The following FHAD1 variants were observed in gnomAD, a reference collection of about 807,000 sequenced individuals.
FHAD1 encodes forkhead-associated domain-containing protein 1.
In FHAD1, 146 loss-of-function variants were observed where a neutral mutation model predicts 191.3. The ratio of observed to expected loss-of-function variants is 0.76; its 90% CI spans 0.67 to 0.88. FHAD1 has a LOEUF of 0.88. FHAD1 is among the 40% of genes least tolerant of loss of function. FHAD1 has a pLI of 0.00. For missense variants in FHAD1, 1,635 were observed against 1,785.8 expected (o/e 0.92, Z 1.52); for synonymous variants, 616 against 672.3 (o/e 0.92, Z 1.29).
intron 29 of FHAD1, among the ~76,000 whole-genome samples, 161 bp downstream of exon 29, chr1:15,380,957 CAT>C (rs1404304802): frequency 6.6e-6 from 1 of 152,222 alleles, no homozygotes; most frequent in Non-Finnish European, 1.5e-5. Flanking sequence ...TCAGGAATCA[CAT>C]AGCCAAATTC....
chr1:15,380,749 T>G lies in FHAD1; in HGVS notation c.3754T>G (p.Ser1252Ala). The change falls in exon 29 of 34, where the codon TCA becomes GCA. Residue 1252 changes from serine to alanine, a missense_variant. Transcript: ENST00000688493. Reference protein sequence around the residue: ...NARFGSAMEKSGKMDVAEALE... With the variant: ...NARFGSAMEKAGKMDVAEALE... ...AAGGTTCGGCTCAGCCATGGAGAAGTCAGGGAAGATGGATGTGGCTGAGGC... is the reference window on the plus strand; with the variant it reads ...AAGGTTCGGCTCAGCCATGGAGAAGGCAGGGAAGATGGATGTGGCTGAGGC... 6.4e-7 allele frequency: 1 copy of G among 1,551,716 alleles called. No homozygotes were observed. The highest frequency in any genetic ancestry group is 8.7e-7 in the Non-Finnish European group (1 of 1,147,012).
chr1:15,318,024 C>T lies in FHAD1; in HGVS notation c.1365+96C>T. 1 of 751,436 alleles carries T rather than the reference C, an allele frequency of 1.3e-6. No individual in the cohort carries two copies. The highest frequency in any genetic ancestry group is 2.2e-6 in the Non-Finnish European group (1 of 456,390). 46.5% of individuals were successfully genotyped at this position (751,436 alleles called of 1,614,324 possible). On this transcript the variant is annotated intron_variant, in intron 10 of 33. Transcript: ENST00000688493. The surrounding 1 kb of genome is among the most constrained non-coding windows in gnomAD (Gnocchi z 4.1). ...TCTAAGTGGACTATGCTGGTATTAACCCTTCTTACAGCTGAGAAAACTGAG... is the reference window on the plus strand; with the variant it reads ...TCTAAGTGGACTATGCTGGTATTAATCCTTCTTACAGCTGAGAAAACTGAG...
chr1:15,376,081 T>A (rs4661623), intron 28 of FHAD1, among the ~76,000 whole-genome samples: 26,759 of 125,986 alleles, frequency 0.21, 2,640 homozygotes, highest in Admixed American at 0.29. Flanking sequence ...TTATTTATTT[T>A]TTTATTTATT....
intron 22 of FHAD1, among the ~76,000 whole-genome samples, chr1:15,361,287 T>C (rs1308130749): frequency 1.3e-5 from 2 of 152,198 alleles, no homozygotes; most frequent in African/African-American, 4.8e-5. Flanking sequence ...AGGATCATTT[T>C]TTCATGGATG....
rs7554324 is a variant in FHAD1, at chr1:15,318,233, C to A, written c.1365+305C>A. The stretch of plus-strand genomic sequence containing the variant: ...GCCTCCCAATCCCAGTTTTGAGTTT[C>A]GTGTTGCTTAATTATTTTAATGTCC... On this transcript the variant is annotated intron_variant, in intron 10 of 33. Coordinates refer to ENST00000688493, the MANE Select transcript of FHAD1 (RefSeq NM_001391957.1). The surrounding 1 kb of genome is among the most constrained non-coding windows in gnomAD (Gnocchi z 4.1). Among the ~76,000 whole-genome samples, 67,662 of 151,976 alleles carry A rather than the reference C, an allele frequency of 0.45. 16,072 individuals carry two copies. Among genetic ancestry groups the A allele is most frequent in the African/African-American group, 0.6 (24,923 of 41,436 alleles).
upstream of FHAD1, among the ~76,000 whole-genome samples, chr1:15,245,835 C>T (rs1236933713): frequency 6.6e-6 from 1 of 152,196 alleles, no homozygotes; most frequent in Non-Finnish European, 1.5e-5. Context: ...ATCAGAATCT[C>T]TGGGGTCTGT....
chr1:15,326,974 TTTCCCGCACCC>T, intron 11 of FHAD1, 74 bp from the exon 12 acceptor site: 1 of 789,366 alleles, frequency 1.3e-6, no homozygotes, highest in Non-Finnish European at 2.1e-6. Flanking sequence ...CTAAGTGGTG[TTTCCCGCACCC>T]TGCCATGGAA....
At chr1:15,359,343 A>G (rs925623163) in intron 21 of FHAD1, among the ~76,000 whole-genome samples, 6 of 152,072 alleles carry the variant, frequency 3.9e-5, no homozygotes, top group Non-Finnish European at 8.8e-5. Context: ...GTCTCGGGCA[A>G]AGAATGTATC....
rs1675193486 is a variant in FHAD1 at position 15,318,429 on chromosome 1, T to G, written c.1365+501T>G. Among the ~76,000 whole-genome samples, 1 of 151,892 alleles carries G rather than the reference T, an allele frequency of 6.6e-6. No individual in the cohort carries two copies. Among genetic ancestry groups the G allele is most frequent in the Non-Finnish European group, 1.5e-5 (1 of 67,952 alleles). ...CAGATGGATCACCTGAGGTCAGGAGTTCGAGACCAGCCTGGCCAATGTGGT... is the reference window on the plus strand; with the variant it reads ...CAGATGGATCACCTGAGGTCAGGAGGTCGAGACCAGCCTGGCCAATGTGGT... On this transcript the variant is annotated intron_variant, in intron 10 of 33. Coordinates refer to ENST00000688493, the MANE Select transcript of FHAD1 (RefSeq NM_001391957.1). The surrounding 1 kb of genome is among the most constrained non-coding windows in gnomAD (Gnocchi z 4.1).
chr1:15,388,808 C>T (rs1703015153), intron 32 of FHAD1, among the ~76,000 whole-genome samples: 1 of 152,134 alleles, frequency 6.6e-6, no homozygotes, highest in Non-Finnish European at 1.5e-5. Flanking sequence ...TGGACTTTCC[C>T]CCTAGAGGGG....
chr1:15,395,882 G>GA (rs1283374722), intron 33 of FHAD1, among the ~76,000 whole-genome samples: 1 of 152,126 alleles, frequency 6.6e-6, no homozygotes, highest in Non-Finnish European at 1.5e-5. Flanking sequence ...GTGGCCCAGG[G>GA]AAGCCAAAAG....
rs1408543765 is a variant in FHAD1, at chr1:15,369,557, G to C, written c.3447+55G>C. 3.2e-5 allele frequency: 48 copies of C among 1,521,482 alleles called. No individual in the cohort carries two copies. The East Asian group carries it at 1.2e-3, about 38-fold the overall frequency. 94.2% of individuals were successfully genotyped at this position (1,521,482 alleles called of 1,614,324 possible). On this transcript the variant is annotated intron_variant, in intron 26 of 33. Coordinates refer to ENST00000688493, the MANE Select transcript of FHAD1 (RefSeq NM_001391957.1). ...AGGATGTGCAAAGACACAGCCCAGT[G>C]GTGGCTGTCTTTCCTTTTGAAGACA... is the stretch of plus-strand genomic sequence containing the variant.
chr1:15,254,391 G>A (rs7531916), intron 2 of FHAD1, among the ~76,000 whole-genome samples: 107,792 of 152,094 alleles, frequency 0.71, 39,233 homozygotes, highest in East Asian at 0.95. Flanking sequence ...ATTTCACAGG[G>A]CTGTAGGGAT....
chr1:15,288,425 C>G (rs559664216), intron 3 of FHAD1, among the ~76,000 whole-genome samples: 1 of 152,256 alleles, frequency 6.6e-6, no homozygotes, highest in Non-Finnish European at 1.5e-5. Flanking sequence ...TCCCCGGGGC[C>G]TCTGCCAGAA....
At chr1:15,275,917 G>A (rs1002065362) in intron 3 of FHAD1, among the ~76,000 whole-genome samples, 3 of 152,186 alleles carry the variant, frequency 2.0e-5, no homozygotes, top group Admixed American at 6.5e-5. Context: ...CCAAGAAAGA[G>A]TTCCCAAACA....
Position 15,289,267 on chromosome 1 carries a change from T to C in FHAD1, c.301-132T>C, listed in dbSNP as rs1663613144. On this transcript the variant is annotated intron_variant, in intron 3 of 33. Transcript: ENST00000688493. The surrounding 1 kb of genome is among the most constrained non-coding windows in gnomAD (Gnocchi z 4.2). Reference sequence around the variant, plus strand: ...CCTCCCAAAGTGTTGGGATTATAGCTGTGTGCCACCCTGCCCGACCGGAAG... The same window carrying C: ...CCTCCCAAAGTGTTGGGATTATAGCCGTGTGCCACCCTGCCCGACCGGAAG... 6.3e-6 allele frequency: 8 copies of C among 1,263,306 alleles called. No homozygotes were observed. Among genetic ancestry groups the C allele is most frequent in the East Asian group, 2.6e-5 (1 of 39,118 alleles). 78.3% of individuals were successfully genotyped at this position (1,263,306 alleles called of 1,614,324 possible). A position where few individuals can be genotyped will look rare whatever the true frequency, so the allele number is the denominator to read the frequency against.
Position 15,314,888 on chromosome 1 carries a change from G to A in FHAD1, c.1171-1490G>A, listed in dbSNP as rs965208545. Reference sequence around the variant, plus strand: ...TGGGTGTGGTGTGGTATGGGGGTGCGTGTGGGGTGTGTGGGGTGTGTGGAT... The same window carrying A: ...TGGGTGTGGTGTGGTATGGGGGTGCATGTGGGGTGTGTGGGGTGTGTGGAT... On this transcript the variant is annotated intron_variant, in intron 8 of 33. Transcript: ENST00000688493. 7.7e-5 allele frequency among the ~76,000 whole-genome samples: 11 copies of A among 143,590 alleles called. No individual in the cohort carries two copies. In the Middle Eastern group the frequency reaches 0.011, roughly 146 times the overall value. 94.2% of individuals were successfully genotyped at this position (143,590 alleles called of 152,430 possible).
chr1:15,328,463 C>T (rs768603852), intron 13 of FHAD1, 34 bp downstream of exon 13: 2 of 1,364,794 alleles, frequency 1.5e-6, no homozygotes, highest in Non-Finnish European at 1.9e-6. Flanking sequence ...CAAATGGTCT[C>T]TTTGTCTAAT....
chr1:15,308,555 C>A, intron 6 of FHAD1, 58 bp from the exon 7 acceptor site: 1 of 1,543,564 alleles, frequency 6.5e-7, no homozygotes, highest in South Asian at 1.2e-5. Flanking sequence ...TGAGAAGTAC[C>A]TGTGTGTCTC....
Sources: gnomAD v4.1 joint callset for allele counts (sites outside exome capture counted in the v4.1 genomes callset) on GRCh38, gnomAD v4.1.1 for gene constraint, Gnocchi (gnomAD v3.1) non-coding constraint, MANE v1.5 for transcripts, NCBI Gene and HGNC (gene_info 2026-07-23, HGNC 2026-07-21) for gene names.